MCTP2: variants seen among roughly 807,000 people sequenced by gnomAD.
The protein encoded by MCTP2 is multiple C2 and transmembrane domain-containing protein 2.
A neutral mutation model predicts 111.6 loss-of-function variants in MCTP2; 132 were observed. The ratio of observed to expected loss-of-function variants is 1.18; its 90% CI spans 1.03 to 1.37. MCTP2 has a LOEUF of 1.37. Among genes scored for constraint, MCTP2 ranks in the 40% most tolerant of loss-of-function variants. MCTP2 has a pLI of 0.00. For missense variants in MCTP2, 1,183 were observed against 1,067.9 expected, an observed-to-expected ratio of 1.11 and a Z score of -1.50; for synonymous variants, 395 against 387.7, an observed-to-expected ratio of 1.02 and a Z score of -0.22.
At chr15:94,400,636 C>A (rs1451546531) in intron 16 of MCTP2, among the ~76,000 whole-genome samples, 1 of 145,680 alleles carries the variant, frequency 6.9e-6, no homozygotes, top group African/African-American at 2.6e-5. Flanking sequence ...CCTTTACATT[C>A]CTTTTTCAGA....
chr15:94,407,792 C>T (rs1037425088), intron 17 of MCTP2, among the ~76,000 whole-genome samples: 1 of 103,384 alleles, frequency 9.7e-6, no homozygotes, highest in Non-Finnish European at 2.1e-5. Flanking sequence ...CACACACACA[C>T]ACACACACAC....
intron 4 of MCTP2, among the ~76,000 whole-genome samples, chr15:94,320,345 G>A (rs931078944): frequency 5.9e-5 from 9 of 151,996 alleles, no homozygotes; most frequent in Admixed American, 5.9e-4. Context: ...GTTTCACCGT[G>A]TTAGCCAGGA....
chr15:94,234,128 T>C (rs2070379736), intron 1 of MCTP2, among the ~76,000 whole-genome samples: 1 of 152,080 alleles, frequency 6.6e-6, no homozygotes, highest in Non-Finnish European at 1.5e-5. Flanking sequence ...AGAAGGTGTT[T>C]ATAAAAGTGT....
chr15:94,281,531 T>C (rs1255704181), intron 1 of MCTP2, among the ~76,000 whole-genome samples: 1 of 152,196 alleles, frequency 6.6e-6, no homozygotes, highest in African/African-American at 2.4e-5. Flanking sequence ...CTGGGTCTTT[T>C]AAGTGGGGTA....
intron 16 of MCTP2, among the ~76,000 whole-genome samples, chr15:94,401,138 T>A (rs1351573430): frequency 1.3e-5 from 2 of 152,130 alleles, no homozygotes; most frequent in African/African-American, 4.8e-5. Context: ...CTTTGGGCTC[T>A]CAGAGCACTG....
chr15:94,377,821 G>A (rs996626359), intron 12 of MCTP2, among the ~76,000 whole-genome samples: 26 of 152,232 alleles, frequency 1.7e-4, no homozygotes, highest in African/African-American at 5.1e-4. Context: ...TTCTAGCAGC[G>A]ATGTCAAATA....
At chr15:94,267,717 C>T (rs1358622001) in intron 1 of MCTP2, among the ~76,000 whole-genome samples, 1 of 152,022 alleles carries the variant, frequency 6.6e-6, no homozygotes, top group Non-Finnish European at 1.5e-5. Flanking sequence ...GAGAATTCCG[C>T]TTTCTCCTCA....
Position 94,299,699 on chromosome 15 carries a change from G to A in MCTP2, c.465+969G>A, listed in dbSNP as rs148675749. ...AAGTAGGTTTCCATGTTGAAGTAAGGGGTTAATTTTTCTGTGTTCCAGGTT... is the reference window on the plus strand; with the variant it reads ...AAGTAGGTTTCCATGTTGAAGTAAGAGGTTAATTTTTCTGTGTTCCAGGTT... On this transcript the variant is annotated intron_variant, in intron 2 of 22. Coordinates refer to ENST00000357742, the MANE Select transcript of MCTP2 (RefSeq NM_001385001.1). Among the ~76,000 whole-genome samples, 21 of 152,208 alleles carry A rather than the reference G, an allele frequency of 1.4e-4. No homozygotes were observed. In the East Asian group the frequency reaches 4.1e-3, roughly 29 times the overall value.
chr15:94,423,979 TAATTG>T (rs1157860869), intron 17 of MCTP2, among the ~76,000 whole-genome samples: 1 of 152,210 alleles, frequency 6.6e-6, no homozygotes, highest in African/African-American at 2.4e-5. Context: ...TACTTCTTTG[TAATTG>T]AATCCTCCTT....
In MCTP2 at chr15:94,281,688, C is replaced by T. The variant is rs185346373; in HGVS notation, c.-65-16513C>T. Among the ~76,000 whole-genome samples the T allele has an allele frequency of 2.4e-3, 364 of 152,078 alleles. 1 individual carries two copies. Among genetic ancestry groups the T allele is most frequent in the Non-Finnish European group, 2.7e-3 (181 of 67,966 alleles). ...GTACTTCAGTATATTTTTTTGATGG[C>T]CAGTAACAGTCTTTCATTTCCATGT... is the stretch of plus-strand genomic sequence containing the variant. On this transcript the variant is annotated intron_variant, in intron 1 of 22. Transcript: ENST00000357742.
chr15:94,337,188 G>A (rs1029785947), intron 4 of MCTP2, among the ~76,000 whole-genome samples: 2 of 151,974 alleles, frequency 1.3e-5, no homozygotes, highest in Non-Finnish European at 2.9e-5. Flanking sequence ...CAATTAACGC[G>A]GCACTAACTT....
At chr15:94,327,464 G>A (rs552780466) in intron 4 of MCTP2, among the ~76,000 whole-genome samples, 51 of 152,302 alleles carry the variant, frequency 3.3e-4, no homozygotes, top group African/African-American at 1.2e-3. Context: ...CCACACCAGA[G>A]TTTTATTGTA....
At chr15:94,403,006 T>A in intron 17 of MCTP2, 1 of 995,930 alleles carries the variant, frequency 1.0e-6, no homozygotes, top group Non-Finnish European at 1.2e-6. Flanking sequence ...AAAAAAACAT[T>A]TATTAGCCCA....
chr15:94,355,007 A>G (rs1214054913), intron 8 of MCTP2, among the ~76,000 whole-genome samples: 3 of 152,204 alleles, frequency 2.0e-5, no homozygotes, highest in Admixed American at 6.5e-5. Context: ...AAAGAAGCCT[A>G]TGCTTGTGTT....
In MCTP2 at chr15:94,338,139, A is replaced by G. The variant is rs149056056; in HGVS notation, c.638-1151A>G. ...TAGACTATATTGGCTTGACGTTGCT[A>G]TCAGCAATTCATTTCAATAAATATT... On this transcript the variant is annotated intron_variant, in intron 4 of 22. Coordinates refer to ENST00000357742, the MANE Select transcript of MCTP2 (RefSeq NM_001385001.1). 6.1e-3 allele frequency among the ~76,000 whole-genome samples: 931 copies of G among 152,330 alleles called. 2 individuals are homozygous for G. The highest frequency in any genetic ancestry group is 0.012 in the Admixed American group (186 of 15,296).
intron 17 of MCTP2, 61 bp from the exon 18 acceptor site, chr15:94,440,115 T>C: frequency 1.3e-6 from 2 of 1,586,474 alleles, no homozygotes; most frequent in Admixed American, 3.4e-5. Context: ...TGAGTAGGAA[T>C]TTGATTGCTC....
rs760001718 is a variant in MCTP2, at chr15:94,358,483, C to A, written c.1172C>A (p.Thr391Lys). 5 of 1,610,418 alleles carry A rather than the reference C, an allele frequency of 3.1e-6. No homozygotes were observed. The East Asian group carries it at 1.1e-4, about 36-fold the overall frequency. Residue 391 changes from threonine (T) to lysine (K), a missense_variant and splice_region_variant, in exon 10 of 23, where the codon ACA becomes AAA. Physicochemically the swap from Thr to Lys is moderately conservative, Grantham distance 78 (BLOSUM62 -1). Transcript: ENST00000357742. Reference sequence around the variant, plus strand: ...ATATTATAACTGCATGTTTTCTAGACACTGTGTAAGAGTGCAAATCCGCAG... The same window carrying A: ...ATATTATAACTGCATGTTTTCTAGAAACTGTGTAAGAGTGCAAATCCGCAG... ...KLGDQRYKSK[T>K]LCKSANPQWQ...
At chr15:94,379,829 G>A (rs906783177) in intron 12 of MCTP2, among the ~76,000 whole-genome samples, 1 of 136,458 alleles carries the variant, frequency 7.3e-6, no homozygotes, top group African/African-American at 2.9e-5. Flanking sequence ...AATTATATAT[G>A]ACATATAATT....
At chr15:94,446,148 C>A (rs1329216071) in intron 19 of MCTP2, among the ~76,000 whole-genome samples, 2 of 152,206 alleles carry the variant, frequency 1.3e-5, no homozygotes, top group Non-Finnish European at 2.9e-5. Flanking sequence ...GATTAGACTT[C>A]ACAATTTTGC....
Sources: gnomAD v4.1 joint callset for allele counts (sites outside exome capture counted in the v4.1 genomes callset) on GRCh38, gnomAD v4.1.1 for gene constraint, MANE v1.5 for transcripts, NCBI Gene and HGNC (gene_info 2026-07-23, HGNC 2026-07-21) for gene names.